The following ECE1 variants were observed in gnomAD, a reference collection of about 807,000 sequenced individuals.
ECE1 encodes the protein endothelin converting enzyme 1, also known as endothelin-converting enzyme 1.
In ECE1, 35 loss-of-function variants were observed where a neutral mutation model predicts 98.6. That is an observed-to-expected ratio of 0.35 (90% CI 0.27 to 0.47). ECE1 has a LOEUF of 0.47. ECE1 is among the 20% of genes least tolerant of loss of function. The pLI, the probability that ECE1 is intolerant of heterozygous loss-of-function variation, is 1.00. For synonymous variants in ECE1, 394 were observed against 407.1 expected (o/e 0.97, Z 0.39); for missense variants, 814 against 1,025.3 (o/e 0.79, Z 2.81).
chr1:21,309,622 C>T (rs536118014), intron 1 of ECE1, among the ~76,000 whole-genome samples: 143 of 152,322 alleles, frequency 9.4e-4, no homozygotes, highest in Admixed American at 1.8e-3. Flanking sequence ...TTCCCACCAG[C>T]TTCCTTGGCT....
chr1:21,222,395 A>T (rs1573924581), intron 17 of ECE1, among the ~76,000 whole-genome samples: 1 of 152,276 alleles, frequency 6.6e-6, no homozygotes, highest in Non-Finnish European at 1.5e-5. Flanking sequence ...GGCTGATTCA[A>T]TTCCATTCCC....
At chr1:21,294,903 G>A (rs75724054), upstream of ECE1, among the ~76,000 whole-genome samples, 2,309 of 152,304 alleles carry the variant, frequency 0.015, 72 homozygotes, top group African/African-American at 0.052. The surrounding 1 kb of genome is among the most constrained non-coding windows in gnomAD (Gnocchi z 4.2). Context: ...CTTTGTGGCC[G>A]AAGTCCCCAT....
Position 21,307,897 on chromosome 1 carries a change from A to T in ECE1, c.4-17741T>A, listed in dbSNP as rs1638633839. On this transcript the variant is annotated intron_variant, in intron 1 of 18. Coordinates refer to the ECE1 transcript ENST00000415912. This position sits in a 1 kb window ranked among gnomAD's most constrained non-coding sequence, Gnocchi z 4.2. ...CGCCTTGAGCATCCTTGTCAGGCAG[A>T]GATCTGGGCAGGACAGAAGAGAGGA... Among the ~76,000 whole-genome samples the T allele has an allele frequency of 6.6e-6, 1 of 151,990 alleles. No homozygotes were observed. Among genetic ancestry groups the T allele is most frequent in the African/African-American group, 2.4e-5 (1 of 41,422 alleles).
Position 21,271,711 on chromosome 1 carries a change from A to T in ECE1, c.493+988T>A, listed in dbSNP as rs961768658. Among the ~76,000 whole-genome samples, 4 of 152,136 alleles carry T rather than the reference A, an allele frequency of 2.6e-5. No individual in the cohort carries two copies. The East Asian group carries it at 7.7e-4, about 29-fold the overall frequency. On this transcript the variant is annotated intron_variant, in intron 4 of 18. Transcript: ENST00000374893. The stretch of plus-strand genomic sequence containing the variant: ...GGCAGACGGGAATCCAACAAACATT[A>T]ACTAAGGATACAGCTGCAAACAAGA...
intron 4 of ECE1, 127 bp downstream of exon 4, chr1:21,272,572 G>A: frequency 1.7e-6 from 2 of 1,151,314 alleles, no homozygotes; most frequent in Non-Finnish European, 2.5e-6. Context: ...GATTACAGGT[G>A]TGAGCCACCG....
At chr1:21,299,517 C>T (rs1471065727) in intron 1 of ECE1, 1 of 152,428 alleles carries the variant, frequency 6.6e-6, no homozygotes, top group Non-Finnish European at 1.5e-5. Context: ...GGCTGGAGAT[C>T]CACATCTCGG....
At chr1:21,281,686 G>A (rs1363603553) in intron 2 of ECE1, among the ~76,000 whole-genome samples, 2 of 151,452 alleles carry the variant, frequency 1.3e-5, no homozygotes, top group Non-Finnish European at 3.0e-5. Flanking sequence ...GTGAGACAGT[G>A]TTTTGTTTTG....
At position 21,307,587 on chromosome 1, in the gene ECE1, A is replaced by T. The variant is rs1638627475; in HGVS notation, c.4-17431T>A. 6.6e-6 allele frequency among the ~76,000 whole-genome samples: 1 copy of T among 152,100 alleles called. No individual in the cohort carries two copies. The highest frequency in any genetic ancestry group is 1.5e-5 in the Non-Finnish European group (1 of 68,010). On this transcript the variant is annotated intron_variant, in intron 1 of 18. Coordinates refer to the ECE1 transcript ENST00000415912. This position sits in a 1 kb window ranked among gnomAD's most constrained non-coding sequence, Gnocchi z 4.2. ...AGCAGCAGAGGGGCCTCCAGAGGAC[A>T]TTTTCTTGCACCCCAGGAGGCATTC...
At chr1:21,310,496 C>T (rs1359713756) in intron 1 of ECE1, among the ~76,000 whole-genome samples, 1 of 152,130 alleles carries the variant, frequency 6.6e-6, no homozygotes, top group Non-Finnish European at 1.5e-5. Flanking sequence ...ACTCAGTAGG[C>T]GTGTCCCATG....
intron 6 of ECE1, among the ~76,000 whole-genome samples, 198 bp from the exon 7 acceptor site, chr1:21,257,788 C>G (rs185969431): frequency 2.0e-5 from 3 of 151,974 alleles, no homozygotes; most frequent in African/African-American, 7.2e-5. Flanking sequence ...CCACGTGGCC[C>G]CCCCCCGCAG....
At chr1:21,272,069 T>G (rs1342510744) in intron 4 of ECE1, among the ~76,000 whole-genome samples, 2 of 152,134 alleles carry the variant, frequency 1.3e-5, no homozygotes, top group Non-Finnish European at 2.9e-5. Context: ...CCACCAGTTC[T>G]TGTGTACACC....
Position 21,345,336 on chromosome 1 carries a change from C to T in ECE1, c.3+40G>A. The T allele has an allele frequency of 7.4e-7, 1 of 1,354,790 alleles. No individual in the cohort carries two copies. Among genetic ancestry groups the T allele is most frequent in the Non-Finnish European group, 9.6e-7 (1 of 1,045,550 alleles). The allele number at this position is 1,354,790 out of a possible 1,614,324, so 83.9% of individuals were successfully genotyped here. A position where few individuals can be genotyped will look rare whatever the true frequency, so the allele number is the denominator to read the frequency against. Reference sequence around the variant, plus strand: ...GCACCGCTGCCCGCGACCGTCGAGGCTGGGCTGGACCGGACCAGACCTCCG... The same window carrying T: ...GCACCGCTGCCCGCGACCGTCGAGGTTGGGCTGGACCGGACCAGACCTCCG... On this transcript the variant is annotated intron_variant, in intron 1 of 18. Coordinates refer to the ECE1 transcript ENST00000415912. The surrounding 1 kb of genome is among the most constrained non-coding windows in gnomAD (Gnocchi z 5.1).
chr1:21,280,899 A>C (rs1385563480), intron 2 of ECE1, among the ~76,000 whole-genome samples: 5 of 152,074 alleles, frequency 3.3e-5, no homozygotes, highest in Admixed American at 2.0e-4. Context: ...TCCAAAACTG[A>C]GAAAAGGGGC....
intron 10 of ECE1, among the ~76,000 whole-genome samples, chr1:21,238,577 C>T (rs1234317722): frequency 2.6e-5 from 4 of 152,204 alleles, no homozygotes; most frequent in Admixed American, 6.5e-5. Flanking sequence ...GGGTGCCCCA[C>T]GAGTGACAAG....
At chr1:21,317,239 T>G (rs1638849150) in intron 1 of ECE1, among the ~76,000 whole-genome samples, 1 of 152,208 alleles carries the variant, frequency 6.6e-6, no homozygotes. Context: ...TGTGCTTTGC[T>G]GCCATGCGAT....
At chr1:21,317,884 G>A (rs190625756) in intron 1 of ECE1, among the ~76,000 whole-genome samples, 4 of 152,326 alleles carry the variant, frequency 2.6e-5, no homozygotes, top group Admixed American at 2.6e-4. Flanking sequence ...AAGGTGTGGG[G>A]TGCCAGTGTC....
chr1:21,243,163 A>T (rs1439862706), intron 10 of ECE1, among the ~76,000 whole-genome samples: 1 of 152,202 alleles, frequency 6.6e-6, no homozygotes, highest in Non-Finnish European at 1.5e-5. Context: ...ACTTTGAACA[A>T]GTCCCTTTCC....
rs1217683714 is a variant in ECE1, at chr1:21,258,233, G to A, written c.762+460C>T. 1.3e-5 allele frequency among the ~76,000 whole-genome samples: 2 copies of A among 152,234 alleles called. No individual in the cohort carries two copies. Among genetic ancestry groups the A allele is most frequent in the African/African-American group, 4.8e-5 (2 of 41,452 alleles). Reference sequence around the variant, plus strand: ...ATGGTAGAGATGGGCTGGGAACTCAGCTTTTAGGACCCCCAGCCTGGGTTT... The same window carrying A: ...ATGGTAGAGATGGGCTGGGAACTCAACTTTTAGGACCCCCAGCCTGGGTTT... On this transcript the variant is annotated intron_variant, in intron 6 of 18. Transcript: ENST00000374893. This position sits in a 1 kb window ranked among gnomAD's most constrained non-coding sequence, Gnocchi z 4.2.
In ECE1 at chr1:21,260,015, G is replaced by A. The variant is rs897924869; in HGVS notation, c.615+256C>T. Reference sequence around the variant, plus strand: ...TGCACAGAGAGACACACAGACAGATGACAGACATCTACAACAGATGCTGAC... The same window carrying A: ...TGCACAGAGAGACACACAGACAGATAACAGACATCTACAACAGATGCTGAC... On this transcript the variant is annotated intron_variant, in intron 5 of 18. Transcript: ENST00000374893. This position sits in a 1 kb window ranked among gnomAD's most constrained non-coding sequence, Gnocchi z 4.3. Among the ~76,000 whole-genome samples, 2 of 152,178 alleles carry A rather than the reference G, an allele frequency of 1.3e-5. No homozygotes were observed. The highest frequency in any genetic ancestry group is 2.1e-4 in the South Asian group (1 of 4,830).
Sources: allele counts gnomAD v4.1 joint callset (sites outside exome capture counted in the v4.1 genomes callset), GRCh38; gene constraint gnomAD v4.1.1; non-coding constraint Gnocchi (gnomAD v3.1); transcripts MANE v1.5; gene names NCBI Gene and HGNC (gene_info 2026-07-23, HGNC 2026-07-21).